The following GDI2 variants were observed in gnomAD, a reference collection of about 807,000 sequenced individuals.
GDI2 encodes the protein GDP dissociation inhibitor 2, also known as rab GDP dissociation inhibitor beta.
In GDI2, 22 loss-of-function variants were observed where a neutral mutation model predicts 54.2. That is an observed-to-expected ratio of 0.41 (90% CI 0.29 to 0.58). The LOEUF (loss-of-function observed/expected upper bound fraction) is 0.58, where lower values mean the gene tolerates loss of function less well. Ranked by LOEUF, GDI2 falls within the 20% of genes least tolerant of loss-of-function variation. GDI2 has a pLI of 0.35. For synonymous variants in GDI2, 177 were observed against 182.1 expected (o/e 0.97, Z 0.23); for missense variants, 422 against 546.0 (o/e 0.77, Z 2.26).
intron 1 of GDI2, among the ~76,000 whole-genome samples, chr10:5,803,931 T>C (rs1169036920): frequency 6.6e-6 from 1 of 152,138 alleles, no homozygotes; most frequent in East Asian, 1.9e-4. Flanking sequence ...CAAAGAACAA[T>C]CTTATTCTCT....
At chr10:5,789,296 T>C (rs1194142336) in intron 4 of GDI2, among the ~76,000 whole-genome samples, 11 of 151,430 alleles carry the variant, frequency 7.3e-5, no homozygotes, top group African/African-American at 2.7e-4. Context: ...ACAGGGGTCT[T>C]ACTATGTTGC....
At chr10:5,791,367 T>A (rs1170778217) in intron 4 of GDI2, among the ~76,000 whole-genome samples, 1 of 152,118 alleles carries the variant, frequency 6.6e-6, no homozygotes, top group African/African-American at 2.4e-5. Flanking sequence ...CCCAGCACTT[T>A]GGGAGGCCAA....
At chr10:5,798,175 ATGAAT>A (rs1411349894) in intron 2 of GDI2, among the ~76,000 whole-genome samples, 2 of 152,248 alleles carry the variant, frequency 1.3e-5, no homozygotes, top group Non-Finnish European at 2.9e-5. Context: ...TATAATTCAC[ATGAAT>A]TGAAATGAAG....
Position 5,773,944 on chromosome 10 carries a change from G to A in GDI2, c.720-3C>T, listed in dbSNP as rs763742744. On this transcript the variant is annotated splice_polypyrimidine_tract_variant and splice_region_variant and intron_variant, in intron 6 of 10. Transcript: ENST00000380191. ...TACCTCCATAAATAGCACTTAGCCT[G>A]GAAAATTTTTAAAATCCCAATTAAT... The A allele has an allele frequency of 2.9e-6, 4 of 1,365,654 alleles. No individual in the cohort carries two copies. In the Admixed American group the frequency reaches 6.1e-5, roughly 21 times the overall value. The allele number at this position is 1,365,654 out of a possible 1,614,324, so 84.6% of individuals were successfully genotyped here. A position where few individuals can be genotyped will look rare whatever the true frequency, so the allele number is the denominator to read the frequency against.
rs559680118 is a variant in GDI2, at chr10:5,803,650, C to A, written c.46-2945G>T. ...AGAGCCCTAAGCAAAGCATATAGGA[C>A]AACCACCAATAAATTGACCATCAAC... On this transcript the variant is annotated intron_variant, in intron 1 of 10. Transcript: ENST00000380191. Among the ~76,000 whole-genome samples the A allele has an allele frequency of 2.0e-5, 3 of 152,162 alleles. No individual in the cohort carries two copies. The South Asian group carries it at 6.2e-4, about 32-fold the overall frequency.
intron 4 of GDI2, among the ~76,000 whole-genome samples, chr10:5,789,486 A>C (rs1209530878): frequency 6.6e-6 from 1 of 152,006 alleles, no homozygotes; most frequent in Non-Finnish European, 1.5e-5. Context: ...CCCAGGTGTG[A>C]ACATAGCACA....
chr10:5,775,303 T>C (rs1285049779), intron 6 of GDI2, among the ~76,000 whole-genome samples: 2 of 151,872 alleles, frequency 1.3e-5, no homozygotes, highest in East Asian at 3.9e-4. Flanking sequence ...AAGATAGTAA[T>C]AAAGTGGGGG....
At chr10:5,807,121 A>T (rs950653199) in intron 1 of GDI2, among the ~76,000 whole-genome samples, 22 of 152,236 alleles carry the variant, frequency 1.4e-4, no homozygotes, top group African/African-American at 5.1e-4. Flanking sequence ...ATTATAAAAG[A>T]CTGCTTCCAC....
Position 5,803,755 on chromosome 10 carries a change from G to GA in GDI2, c.46-3051dup, listed in dbSNP as rs201602772. Among the ~76,000 whole-genome samples, 902 of 152,130 alleles carry GA rather than the reference G, an allele frequency of 5.9e-3. 13 individuals are homozygous for GA. Among genetic ancestry groups the GA allele is most frequent in the Middle Eastern group, 0.041 (12 of 294 alleles). ...TAAGACAAACCAAATTAAGAAGAGG[G>GA]AAAAAATTAATACAATTAATGTGAA... On this transcript the variant is annotated intron_variant, in intron 1 of 10. Coordinates refer to ENST00000380191, the MANE Select transcript of GDI2 (RefSeq NM_001494.4).
intron 4 of GDI2, among the ~76,000 whole-genome samples, chr10:5,790,591 A>G (rs1840988883): frequency 6.6e-6 from 1 of 152,186 alleles, no homozygotes; most frequent in Non-Finnish European, 1.5e-5. Flanking sequence ...AGTTGCAGTG[A>G]GCCAAGATTA....
rs368907258 is a variant in GDI2 at position 5,789,227 on chromosome 10, C to T, written c.389-3177G>A. Among the ~76,000 whole-genome samples the T allele has an allele frequency of 5.9e-5, 9 of 152,170 alleles. No homozygotes were observed. The East Asian group carries it at 1.3e-3, about 23-fold the overall frequency. Reference sequence around the variant, plus strand: ...GCTCAAGCAATCTTCCTGCATCAGCCTCCTGAGTAGCTGGGACTACAGGGT... The same window carrying T: ...GCTCAAGCAATCTTCCTGCATCAGCTTCCTGAGTAGCTGGGACTACAGGGT... On this transcript the variant is annotated intron_variant, in intron 4 of 10. Transcript: ENST00000380191.
intron 1 of GDI2, among the ~76,000 whole-genome samples, chr10:5,802,995 A>ACTC (rs1486738073): frequency 6.6e-6 from 1 of 151,914 alleles, no homozygotes; most frequent in African/African-American, 2.4e-5. Flanking sequence ...TATTTAAATT[A>ACTC]CTCCTCCCTT....
At chr10:5,784,747 G>A (rs887979239) in intron 6 of GDI2, among the ~76,000 whole-genome samples, 1 of 152,238 alleles carries the variant, frequency 6.6e-6, no homozygotes, top group Non-Finnish European at 1.5e-5. Context: ...GCTGGTACTG[G>A]AGAGTGTCTG....
intron 6 of GDI2, among the ~76,000 whole-genome samples, chr10:5,779,191 G>GTAC (rs1380645609): frequency 6.6e-6 from 1 of 152,144 alleles, no homozygotes; most frequent in Non-Finnish European, 1.5e-5. Context: ...ACTCAAAACA[G>GTAC]TCAAGTAAAT....
intron 4 of GDI2, among the ~76,000 whole-genome samples, chr10:5,793,782 T>C (rs1380079039): frequency 1.3e-5 from 2 of 152,128 alleles, no homozygotes; most frequent in African/African-American, 2.4e-5. Context: ...TCTGGACTGT[T>C]TGCTATTTAA....
intron 7 of GDI2, among the ~76,000 whole-genome samples, chr10:5,773,595 A>G (rs1014301009): frequency 2.6e-5 from 4 of 152,232 alleles, no homozygotes; most frequent in Non-Finnish European, 1.5e-5. Context: ...CTCTATAAAT[A>G]CAGAATACTT....
intron 1 of GDI2, among the ~76,000 whole-genome samples, chr10:5,805,657 A>G (rs1841362671): frequency 6.6e-6 from 1 of 152,216 alleles, no homozygotes; most frequent in Non-Finnish European, 1.5e-5. Flanking sequence ...AAGTGCTGGG[A>G]TTACAGGTGT....
intron 1 of GDI2, among the ~76,000 whole-genome samples, chr10:5,808,095 G>T (rs1841412343): frequency 1.3e-5 from 2 of 152,156 alleles, no homozygotes; most frequent in African/African-American, 4.8e-5. Flanking sequence ...CTAACACTTT[G>T]GGAGGACGAG....
Position 5,766,501 on chromosome 10 carries a change from C to T in GDI2, c.1129G>A (p.Glu377Lys). Residue 377 changes from glutamate to lysine, a missense_variant, in exon 9 of 11, where the codon GAA becomes AAA. By Grantham distance (56) the Glu-to-Lys change is moderately conservative. Transcript: ENST00000380191. This position sits in a 1 kb window ranked among gnomAD's most constrained non-coding sequence, Gnocchi z 5.8. Reference protein sequence around the residue: ...RPALELLEPIEQKFVSISDLL... With the variant: ...RPALELLEPIKQKFVSISDLL... Reference sequence around the variant, plus strand: ...TAAAAGAACACAACTCACTTCTGTTCAATTGGTTCCAAGAGCTCCAAAGCT... The same window carrying T: ...TAAAAGAACACAACTCACTTCTGTTTAATTGGTTCCAAGAGCTCCAAAGCT... 6.2e-7 allele frequency: 1 copy of T among 1,613,446 alleles called. No homozygotes were observed. Among genetic ancestry groups the T allele is most frequent in the African/African-American group, 1.3e-5 (1 of 75,056 alleles).
Sources: allele counts gnomAD v4.1 joint callset (sites outside exome capture counted in the v4.1 genomes callset), GRCh38; gene constraint gnomAD v4.1.1; non-coding constraint Gnocchi (gnomAD v3.1); transcripts MANE v1.5; gene names NCBI Gene and HGNC (gene_info 2026-07-23, HGNC 2026-07-21).